Variants in ERICH1 observed in about 807,000 individuals in gnomAD.
ERICH1 encodes glutamate-rich protein 1.
A neutral mutation model predicts 39.6 loss-of-function variants in ERICH1; 56 were observed. The ratio of observed to expected loss-of-function variants is 1.41; its 90% CI spans 1.14 to 1.77. The LOEUF (loss-of-function observed/expected upper bound fraction) is 1.77, where lower values mean the gene tolerates loss of function less well. ERICH1 is among the 40% of genes most tolerant of loss of function. The pLI, the probability that ERICH1 is intolerant of heterozygous loss-of-function variation, is 0.00. For missense variants in ERICH1, 826 were observed against 575.4 expected, an observed-to-expected ratio of 1.44 and a Z score of -4.45; for synonymous variants, 313 against 223.6, an observed-to-expected ratio of 1.40 and a Z score of -3.57.
At chr8:710,787 T>C (rs1183722580) in intron 2 of ERICH1, among the ~76,000 whole-genome samples, 1 of 152,276 alleles carries the variant, frequency 6.6e-6, no homozygotes, top group Non-Finnish European at 1.5e-5. Context: ...CTGAAGGACA[T>C]CTTCGTTGCT....
At chr8:674,851 T>A (rs116862353) in intron 3 of ERICH1, among the ~76,000 whole-genome samples, 1 of 152,234 alleles carries the variant, frequency 6.6e-6, no homozygotes, top group East Asian at 1.9e-4. Flanking sequence ...ATAGCATAGG[T>A]TGGTGATGTG....
intron 3 of ERICH1, among the ~76,000 whole-genome samples, chr8:619,262 G>A (rs868459615): frequency 5.9e-5 from 9 of 152,240 alleles, no homozygotes; most frequent in Admixed American, 1.3e-4. Flanking sequence ...GTGACCCATC[G>A]CGCACAAGGA....
intron 1 of ERICH1, 142 bp from the exon 2 acceptor site, chr8:716,149 C>G (rs1233437584): frequency 2.9e-6 from 3 of 1,025,034 alleles, no homozygotes; most frequent in Non-Finnish European, 4.1e-6. Context: ...TCCTCCCACG[C>G]TGGGCACTGC....
intron 3 of ERICH1, among the ~76,000 whole-genome samples, chr8:618,849 A>G (rs1797101273): frequency 6.6e-6 from 1 of 152,164 alleles, no homozygotes; most frequent in African/African-American, 2.4e-5. Flanking sequence ...GTTGGAGATC[A>G]GTGGTGGAAA....
intron 3 of ERICH1, among the ~76,000 whole-genome samples, chr8:628,818 C>T (rs914361390): frequency 3.3e-5 from 5 of 152,162 alleles, no homozygotes; most frequent in African/African-American, 1.2e-4. Context: ...AACGTTTCCT[C>T]GGCTCCCCCA....
At chr8:687,119 T>C (rs1293722814) in intron 3 of ERICH1, among the ~76,000 whole-genome samples, 1 of 152,240 alleles carries the variant, frequency 6.6e-6, no homozygotes, top group Admixed American at 6.5e-5. Context: ...ATTTACTGCA[T>C]GCTTCCAGAA....
chr8:687,827 G>A (rs1387511757), intron 3 of ERICH1, among the ~76,000 whole-genome samples: 5 of 152,168 alleles, frequency 3.3e-5, no homozygotes, highest in Non-Finnish European at 5.9e-5. Context: ...GGCGAGGCGC[G>A]GAGAGGCCCC....
At chr8:683,930 A>G (rs949357718) in intron 3 of ERICH1, among the ~76,000 whole-genome samples, 1 of 152,218 alleles carries the variant, frequency 6.6e-6, no homozygotes, top group South Asian at 2.1e-4. Context: ...TTGATACCGA[A>G]TTAATGTCCA....
chr8:665,781 C>A (rs1249569323), intron 5 of ERICH1, among the ~76,000 whole-genome samples: 2 of 152,208 alleles, frequency 1.3e-5, no homozygotes, highest in Non-Finnish European at 2.9e-5. Context: ...GGAAAAGTAA[C>A]TGCTGAGCCA....
At chr8:633,439 CA>C (rs1563170559) in intron 3 of ERICH1, among the ~76,000 whole-genome samples, 1 of 152,096 alleles carries the variant, frequency 6.6e-6, no homozygotes, top group Non-Finnish European at 1.5e-5. Context: ...AAAGGGCCCC[CA>C]AAGTACAGCA....
At chr8:625,902 C>G (rs1024061537) in intron 3 of ERICH1, 4 of 152,184 alleles carry the variant, frequency 2.6e-5, no homozygotes, top group Non-Finnish European at 4.4e-5. Flanking sequence ...TGGCAGAAAT[C>G]CCATTTAATA....
At chr8:708,419 G>C (rs535045696) in intron 2 of ERICH1, among the ~76,000 whole-genome samples, 8 of 152,272 alleles carry the variant, frequency 5.3e-5, no homozygotes, top group Admixed American at 4.6e-4. Flanking sequence ...CTGATGAATG[G>C]AGAAACAAAA....
intron 3 of ERICH1, among the ~76,000 whole-genome samples, chr8:658,848 C>T (rs1034538280): frequency 3.9e-5 from 6 of 152,182 alleles, no homozygotes; most frequent in Non-Finnish European, 8.8e-5. Context: ...CTATGGGGCC[C>T]GAGCTGGCTC....
intron 3 of ERICH1, among the ~76,000 whole-genome samples, chr8:657,448 C>T (rs749485910): frequency 1.3e-5 from 2 of 151,984 alleles, no homozygotes; most frequent in Non-Finnish European, 2.9e-5. Flanking sequence ...GTCACACTGA[C>T]ATTAGCCATT....
intron 3 of ERICH1, chr8:626,786 AT>A (rs1248163735): frequency 4.7e-6 from 1 of 214,736 alleles, no homozygotes; most frequent in African/African-American, 2.2e-5. Flanking sequence ...CAGAGTGAAG[AT>A]TTTGTTTTTT....
intron 3 of ERICH1, among the ~76,000 whole-genome samples, chr8:690,510 G>A (rs1014401436): frequency 2.0e-4 from 31 of 152,388 alleles, no homozygotes; most frequent in African/African-American, 6.7e-4. Flanking sequence ...ACCCAAGGGC[G>A]CAGCAAGTGC....
chr8:706,455 C>T (rs1585527622), intron 2 of ERICH1, among the ~76,000 whole-genome samples: 2 of 152,086 alleles, frequency 1.3e-5, no homozygotes, highest in East Asian at 3.9e-4. Context: ...TTTCTACGTC[C>T]TGTAAGTACT....
At chr8:631,468 G>T (rs1217130041) in intron 3 of ERICH1, among the ~76,000 whole-genome samples, 8 of 152,164 alleles carry the variant, frequency 5.3e-5, no homozygotes, top group Non-Finnish European at 1.2e-4. Flanking sequence ...TAACCTGAGC[G>T]GGAAGTGGAG....
At chr8:672,908 C>T (rs551134281) in intron 4 of ERICH1, among the ~76,000 whole-genome samples, 21 of 152,368 alleles carry the variant, frequency 1.4e-4, no homozygotes, top group African/African-American at 4.8e-4. Flanking sequence ...TCATCAAAAC[C>T]TCCAATCTGG....
Sources: allele counts gnomAD v4.1 joint callset (sites outside exome capture counted in the v4.1 genomes callset), GRCh38; gene constraint gnomAD v4.1.1; transcripts MANE v1.5; gene names NCBI Gene and HGNC (gene_info 2026-07-23, HGNC 2026-07-21).